Variants in PSKH2 observed in about 807,000 individuals in gnomAD.
PSKH2 encodes the protein protein serine kinase H2, also known as serine/threonine-protein kinase H2.
In PSKH2, 16 loss-of-function variants were observed where a neutral mutation model predicts 22.5. The ratio of observed to expected loss-of-function variants is 0.71; its 90% CI spans 0.48 to 1.08. The LOEUF (loss-of-function observed/expected upper bound fraction) is 1.08. PSKH2 is among the 50% of genes least tolerant of loss of function. PSKH2 has a pLI of 0.00. For synonymous variants in PSKH2, 188 were observed against 184.8 expected (o/e 1.02, Z -0.14); for missense variants, 516 against 492.8 (o/e 1.05, Z -0.44).
At chr8:86,065,917 C>A (rs1817849958) in intron 1 of PSKH2, among the ~76,000 whole-genome samples, 1 of 152,104 alleles carries the variant, frequency 6.6e-6, no homozygotes, top group African/African-American at 2.4e-5. Context: ...TTGCAGTGAG[C>A]TGTGATCAGA....
In PSKH2 at chr8:86,069,647, G is replaced by C. The variant is rs1318873342; in HGVS notation, c.-25C>G. The C allele has an allele frequency of 1.3e-6, 2 of 1,504,580 alleles. No individual in the cohort carries two copies. The highest frequency in any genetic ancestry group is 1.8e-6 in the Non-Finnish European group (2 of 1,131,742). The allele number at this position is 1,504,580 out of a possible 1,614,324, so 93.2% of individuals were successfully genotyped here. A position where few individuals can be genotyped will look rare whatever the true frequency, so the allele number is the denominator to read the frequency against. Reference sequence around the variant, plus strand: ...TACCCGCAACACGCCCGCCGCTCGCGGGACCTGGGGACTCGGGAAGCAGCC... The same window carrying C: ...TACCCGCAACACGCCCGCCGCTCGCCGGACCTGGGGACTCGGGAAGCAGCC... On this transcript the variant is annotated 5_prime_UTR_variant, in exon 1 of 3. Transcript: ENST00000276616.
At chr8:86,065,980 AAAAAT>A (rs1817851164) in intron 1 of PSKH2, among the ~76,000 whole-genome samples, 1 of 152,162 alleles carries the variant, frequency 6.6e-6, no homozygotes, top group Admixed American at 6.5e-5. Flanking sequence ...CAAAAATTAA[AAAAAT>A]AAAATAAAAT....
chr8:86,049,675 G>GA (rs1397890372), intron 2 of PSKH2, among the ~76,000 whole-genome samples: 1 of 105,938 alleles, frequency 9.4e-6, no homozygotes, highest in African/African-American at 3.8e-5. Context: ...GAGTGAGAAA[G>GA]AAGAAAGAAA....
intron 2 of PSKH2, among the ~76,000 whole-genome samples, chr8:86,049,886 GGAA>G (rs1473031831): frequency 4.4e-5 from 6 of 136,796 alleles, no homozygotes; most frequent in African/African-American, 2.1e-4. Context: ...AGGGAGGGAA[GGAA>G]GGAAGGAAGG....
At position 86,047,991 on chromosome 8, in the gene PSKH2, C is replaced by A. The variant is rs1406848821; in HGVS notation, c.*471G>T. 6.6e-6 allele frequency among the ~76,000 whole-genome samples: 1 copy of A among 152,036 alleles called. No homozygotes were observed. The highest frequency in any genetic ancestry group is 1.5e-5 in the Non-Finnish European group (1 of 67,992). On this transcript the variant is annotated 3_prime_UTR_variant, in exon 3 of 3. Coordinates refer to ENST00000276616, the MANE Select transcript of PSKH2 (RefSeq NM_033126.3). Reference sequence around the variant, plus strand: ...ATAATTTTTCATAAATATTTGCAGACTAAATATGAAATTAACAGACATTTA... The same window carrying A: ...ATAATTTTTCATAAATATTTGCAGAATAAATATGAAATTAACAGACATTTA...
At chr8:86,066,502 C>G (rs1817861269) in intron 1 of PSKH2, 1 of 152,128 alleles carries the variant, frequency 6.6e-6, no homozygotes, top group Admixed American at 6.5e-5. Context: ...TGTGCCTGGA[C>G]TTCATTTTAA....
intron 2 of PSKH2, among the ~76,000 whole-genome samples, chr8:86,063,174 A>T (rs2130165657): frequency 6.6e-6 from 1 of 152,310 alleles, no homozygotes; most frequent in African/African-American, 2.4e-5. Flanking sequence ...CATTATATTT[A>T]AATTTGGTGT....
intron 2 of PSKH2, among the ~76,000 whole-genome samples, chr8:86,054,621 G>A (rs1012270653): frequency 2.6e-5 from 4 of 152,044 alleles, no homozygotes; most frequent in Admixed American, 6.6e-5. Flanking sequence ...TGACAAAAAC[G>A]AAACTGCAGA....
chr8:86,050,359 C>A, intron 2 of PSKH2, among the ~76,000 whole-genome samples: 1 of 152,292 alleles, frequency 6.6e-6, no homozygotes, highest in African/African-American at 2.4e-5. Flanking sequence ...GGGCTCTACG[C>A]TATCTAACAC....
At chr8:86,068,877 G>T (rs1232964886) in intron 1 of PSKH2, among the ~76,000 whole-genome samples, 1 of 151,112 alleles carries the variant, frequency 6.6e-6, no homozygotes, top group Non-Finnish European at 1.5e-5. Flanking sequence ...TCCCTTGTTT[G>T]CTGCTGCTCC....
At position 86,069,442 on chromosome 8, in the gene PSKH2, C is replaced by A; in HGVS notation, c.181G>T (p.Ala61Ser). 1 of 1,584,286 alleles carries A rather than the reference C, an allele frequency of 6.3e-7. No individual in the cohort carries two copies. The highest frequency in any genetic ancestry group is 8.6e-7 in the Non-Finnish European group (1 of 1,166,052). ...GTTCCTCACGTGGCGCTTTACCTGGCAAGGACCCGGGGGTCGAACTTGGCT... is the reference window on the plus strand; with the variant it reads ...GTTCCTCACGTGGCGCTTTACCTGGAAAGGACCCGGGGGTCGAACTTGGCT... ...FRAKFDPRVL[A>S]RYDIKALIGT... The change falls in exon 1 of 3, where the codon GCC (alanine) becomes TCC (serine). Residue 61 changes from alanine (A) to serine (S), a missense_variant. Transcript: ENST00000276616.
Position 86,064,431 on chromosome 8 carries a change from G to A in PSKH2, c.386C>T (p.Thr129Ile). The change falls in exon 2 of 3, where the codon ACT becomes ATT. Residue 129 changes from threonine (T) to isoleucine (I), a missense_variant. By Grantham distance (89) the Thr-to-Ile change is moderately conservative (BLOSUM62 -1). Transcript: ENST00000276616. Reference sequence around the variant, plus strand: ...CATTACCATGTAAACTTGATCCTCAGTCTCAAAGATCTCCATGAGCTGGAC... The same window carrying A: ...CATTACCATGTAAACTTGATCCTCAATCTCAAAGATCTCCATGAGCTGGAC... Reference protein sequence around the residue: ...YIVQLMEIFETEDQVYMVMEL... With the variant: ...YIVQLMEIFEIEDQVYMVMEL... The A allele has an allele frequency of 6.2e-7, 1 of 1,614,134 alleles. No homozygotes were observed. Among genetic ancestry groups the A allele is most frequent in the Non-Finnish European group, 8.5e-7 (1 of 1,180,026 alleles).
At chr8:86,065,855 G>A (rs574987436) in intron 1 of PSKH2, among the ~76,000 whole-genome samples, 4 of 152,082 alleles carry the variant, frequency 2.6e-5, no homozygotes, top group Admixed American at 6.5e-5. Context: ...CTGTAGCCCC[G>A]GCTACTGAGG....
chr8:86,069,611 G>T lies in PSKH2; in HGVS notation c.12C>A (p.Gly4=). 1 of 1,587,726 alleles carries T rather than the reference G, an allele frequency of 6.3e-7. No individual in the cohort carries two copies. The highest frequency in any genetic ancestry group is 8.5e-7 in the Non-Finnish European group (1 of 1,169,994). Residue 4 remains glycine (G), a synonymous_variant, in exon 1 of 3, where the codon GGC becomes GGA. Transcript: ENST00000276616. MGC[G]ASRKVVPGPP... is the part of the protein sequence containing the mutation. ...GCCCCGGGACCACCTTCCTGCTGGC[G>T]CCGCACCCCATACCCGCAACACGCC... is the stretch of plus-strand genomic sequence containing the variant.
At chr8:86,067,760 A>G (rs1461019146) in intron 1 of PSKH2, among the ~76,000 whole-genome samples, 1 of 152,226 alleles carries the variant, frequency 6.6e-6, no homozygotes, top group East Asian at 1.9e-4. Flanking sequence ...TCATATCTAA[A>G]TTCTATCATC....
rs1416754813 is a variant in PSKH2, at chr8:86,047,946, C to T, written c.*516G>A. Among the ~76,000 whole-genome samples the T allele has an allele frequency of 1.3e-5, 2 of 152,132 alleles. No homozygotes were observed. Among genetic ancestry groups the T allele is most frequent in the East Asian group, 3.9e-4 (2 of 5,170 alleles). ...TAGATTGAAATTATATCTTATAGTT[C>T]TTTATAGGCCCCATAATTAATAATT... On this transcript the variant is annotated 3_prime_UTR_variant, in exon 3 of 3. Coordinates refer to ENST00000276616, the MANE Select transcript of PSKH2 (RefSeq NM_033126.3).
Position 86,064,628 on chromosome 8 carries a change from A to C in PSKH2, c.189T>G (p.Tyr63Ter). 6.2e-7 allele frequency: 1 copy of C among 1,607,128 alleles called. No homozygotes were observed. The highest frequency in any genetic ancestry group is 1.1e-5 in the South Asian group (1 of 90,806). ...AKFDPRVLAR[Y>*]DIKALIGTGS... ...CTGTCCCAATAAGAGCTTTGATGTC[A>C]TATCTGTTGGGAAGAAAAACCAAAC... The change falls in exon 2 of 3, where the codon TAT becomes TAG. Residue 63 changes from tyrosine (Y) to a stop codon, truncating the protein, a stop_gained. Coordinates refer to ENST00000276616, the MANE Select transcript of PSKH2 (RefSeq NM_033126.3). LOFTEE classifies it high-confidence loss of function.
chr8:86,056,222 G>C (rs1817696566), intron 2 of PSKH2, among the ~76,000 whole-genome samples: 1 of 152,072 alleles, frequency 6.6e-6, no homozygotes, highest in Non-Finnish European at 1.5e-5. Context: ...AGCCCAGGGA[G>C]TTTGGGGCTG....
chr8:86,048,295 A>G lies in PSKH2; in HGVS notation c.*167T>C. 1.8e-6 allele frequency: 1 copy of G among 551,638 alleles called. No homozygotes were observed. The highest frequency in any genetic ancestry group is 2.9e-5 in the South Asian group (1 of 34,426). The allele number at this position is 551,638 out of a possible 1,614,324, so 34.2% of individuals were successfully genotyped here. A position where few individuals can be genotyped will look rare whatever the true frequency, so the allele number is the denominator to read the frequency against. On this transcript the variant is annotated 3_prime_UTR_variant, in exon 3 of 3. Coordinates refer to ENST00000276616, the MANE Select transcript of PSKH2 (RefSeq NM_033126.3). Reference sequence around the variant, plus strand: ...ATCATTTGCAGCAGTATATTTTGGGAAAATGAATACAGGTATAGGAAAAAT... The same window carrying G: ...ATCATTTGCAGCAGTATATTTTGGGGAAATGAATACAGGTATAGGAAAAAT...
Sources: allele counts gnomAD v4.1 joint callset (sites outside exome capture counted in the v4.1 genomes callset), GRCh38; gene constraint gnomAD v4.1.1; transcripts MANE v1.5; gene names NCBI Gene and HGNC (gene_info 2026-07-23, HGNC 2026-07-21).